BTBD10: variants seen among roughly 807,000 people sequenced by gnomAD.
BTBD10 encodes BTB domain containing 10, also known as BTB/POZ domain-containing protein 10.
In BTBD10, 21 loss-of-function variants were observed where a neutral mutation model predicts 53.2. The observed-to-expected ratio is 0.39, with a 90% CI of 0.28 to 0.57. The LOEUF is 0.57. BTBD10 is among the 20% of genes least tolerant of loss of function. The probability of loss-of-function intolerance (pLI) is 0.53; values close to 1 mark genes in which losing one functional copy is unlikely to be tolerated. For missense variants in BTBD10, 360 were observed against 594.7 expected (o/e 0.61, Z 4.10); for synonymous variants, 149 against 192.7 (o/e 0.77, Z 1.88).
At chr11:13,439,133 C>G (rs1157689135) in intron 2 of BTBD10, among the ~76,000 whole-genome samples, 2 of 151,430 alleles carry the variant, frequency 1.3e-5, no homozygotes, top group Non-Finnish European at 3.0e-5. Flanking sequence ...CCCAAATGTC[C>G]AAAAAAATTA....
At chr11:13,439,535 T>A (rs1950608949) in intron 2 of BTBD10, among the ~76,000 whole-genome samples, 1 of 152,122 alleles carries the variant, frequency 6.6e-6, no homozygotes, top group Admixed American at 6.6e-5. Flanking sequence ...ATTATTTCAT[T>A]TATCTTGAAT....
At chr11:13,426,345 C>A (rs1031767046) in intron 2 of BTBD10, among the ~76,000 whole-genome samples, 1 of 151,856 alleles carries the variant, frequency 6.6e-6, no homozygotes. Context: ...CATGAGAAGA[C>A]CTGCATTGCA....
intron 8 of BTBD10, among the ~76,000 whole-genome samples, chr11:13,394,688 C>A (rs1949492930): frequency 7.5e-6 from 1 of 133,204 alleles, no homozygotes; most frequent in African/African-American, 2.7e-5. Context: ...TAATGCTATC[C>A]CTCCGCCCTC....
chr11:13,428,889 A>G (rs1035244272), intron 2 of BTBD10, among the ~76,000 whole-genome samples: 9 of 152,184 alleles, frequency 5.9e-5, no homozygotes, highest in African/African-American at 1.9e-4. Context: ...TAAGAAAAAA[A>G]GGTTACTAGA....
At chr11:13,449,370 T>C (rs887021486) in intron 1 of BTBD10, among the ~76,000 whole-genome samples, 1 of 152,074 alleles carries the variant, frequency 6.6e-6, no homozygotes, top group African/African-American at 2.4e-5. Context: ...CTGTTTCATA[T>C]ATGAGGAAAT....
At chr11:13,442,859 A>G (rs1950683882) in intron 2 of BTBD10, among the ~76,000 whole-genome samples, 1 of 152,176 alleles carries the variant, frequency 6.6e-6, no homozygotes, top group African/African-American at 2.4e-5. Context: ...AAAAAGTCAA[A>G]TCATACTTTT....
chr11:13,404,472 C>A, intron 7 of BTBD10: 1 of 271,192 alleles, frequency 3.7e-6, no homozygotes, highest in Non-Finnish European at 5.6e-6. Flanking sequence ...GTTGACTGTA[C>A]CTTCTTGGGG....
chr11:13,442,530 C>T, intron 2 of BTBD10, among the ~76,000 whole-genome samples: 1 of 152,088 alleles, frequency 6.6e-6, no homozygotes. Context: ...CAGATCCAGT[C>T]AAGGTAATCT....
rs776156456 is a variant in BTBD10 at position 13,419,542 on chromosome 11, G to A, written c.502C>T (p.Arg168Ter). 3.1e-6 allele frequency: 5 copies of A among 1,614,074 alleles called. No homozygotes were observed. The highest frequency in any genetic ancestry group is 4.2e-6 in the Non-Finnish European group (5 of 1,179,978). Residue 168 changes from arginine to a stop codon, truncating the protein, a stop_gained, in exon 4 of 9, where the codon CGA (arginine) becomes TGA (stop). Transcript: ENST00000278174. LOFTEE classifies it high-confidence loss of function. Reference protein sequence around the residue: ...EGARNIRTSERVTLIVDNTRF... With the variant: ...EGARNIRTSE ...GTGTTATCCACTATTAGTGTCACTC[G>A]TTCTGACGTTCTTATATTCCGAGCT...
intron 1 of BTBD10, among the ~76,000 whole-genome samples, chr11:13,460,586 C>G (rs1297382444): frequency 6.6e-6 from 1 of 152,202 alleles, no homozygotes; most frequent in African/African-American, 2.4e-5. Context: ...ATATACCTAT[C>G]CTTCTTACAA....
intron 8 of BTBD10, among the ~76,000 whole-genome samples, chr11:13,395,356 T>C (rs563727086): frequency 6.6e-6 from 1 of 152,236 alleles, no homozygotes; most frequent in Non-Finnish European, 1.5e-5. Context: ...GAGAAGTGTC[T>C]GTTCATATCC....
intron 2 of BTBD10, among the ~76,000 whole-genome samples, chr11:13,425,125 GAT>G (rs1333060287): frequency 1.3e-5 from 2 of 152,144 alleles, no homozygotes; most frequent in Non-Finnish European, 2.9e-5. Context: ...CAGCTCAAAG[GAT>G]TAGAGGAAAT....
chr11:13,449,180 C>T (rs1459772105), intron 1 of BTBD10, among the ~76,000 whole-genome samples: 1 of 151,936 alleles, frequency 6.6e-6, no homozygotes, highest in Non-Finnish European at 1.5e-5. Flanking sequence ...AATTGCTCCT[C>T]GGGACACTAT....
At chr11:13,411,773 G>A (rs866229563) in intron 6 of BTBD10, among the ~76,000 whole-genome samples, 6 of 151,348 alleles carry the variant, frequency 4.0e-5, no homozygotes, top group Admixed American at 1.3e-4. Context: ...TTAAATGGTC[G>A]TATGAATAGA....
chr11:13,394,776 T>C (rs11022793), intron 8 of BTBD10, among the ~76,000 whole-genome samples: 23,624 of 150,038 alleles, frequency 0.16, 2,041 homozygotes, highest in Admixed American at 0.24. Flanking sequence ...TTCCCACCTA[T>C]GAGTGAGACC....
At chr11:13,425,094 AAAG>A (rs1950311306) in intron 2 of BTBD10, among the ~76,000 whole-genome samples, 2 of 152,216 alleles carry the variant, frequency 1.3e-5, no homozygotes, top group Non-Finnish European at 2.9e-5. Context: ...GACACTATGA[AAAG>A]AAGCTGGGGA....
In BTBD10 at chr11:13,436,765, A is replaced by G. The variant is rs1950549640; in HGVS notation, c.101+8259T>C. 2.0e-5 allele frequency among the ~76,000 whole-genome samples: 3 copies of G among 150,024 alleles called. No individual in the cohort carries two copies. In the Admixed American group the frequency reaches 2.0e-4, roughly 10 times the overall value. ...TTATTATGACATTCCTTAATATCCA[A>G]CCAGAGCTGTCACAAGATTTCTCTG... On this transcript the variant is annotated intron_variant, in intron 2 of 8. Transcript: ENST00000278174.
chr11:13,432,515 G>T (rs550818421), intron 2 of BTBD10, among the ~76,000 whole-genome samples: 36 of 152,076 alleles, frequency 2.4e-4, no homozygotes, highest in Admixed American at 9.8e-4. Context: ...ACGATTTTTT[G>T]TGACATCTTG....
At chr11:13,446,566 T>C (rs987819839) in intron 1 of BTBD10, among the ~76,000 whole-genome samples, 5 of 151,846 alleles carry the variant, frequency 3.3e-5, no homozygotes, top group African/African-American at 7.3e-5. Context: ...AAAATAAAAG[T>C]GGGGGAAAGG....
Sources: gnomAD v4.1 joint callset for allele counts (sites outside exome capture counted in the v4.1 genomes callset) on GRCh38, gnomAD v4.1.1 for gene constraint, MANE v1.5 for transcripts, NCBI Gene and HGNC (gene_info 2026-07-23, HGNC 2026-07-21) for gene names.